FLRT2: variants seen among roughly 807,000 people sequenced by gnomAD.
FLRT2 encodes the protein leucine-rich repeat transmembrane protein FLRT2.
A neutral mutation model predicts 40.0 loss-of-function variants in FLRT2; 15 were observed. The ratio of observed to expected loss-of-function variants is 0.38; its 90% CI spans 0.25 to 0.58. The LOEUF is 0.58. FLRT2 is among the 20% of genes least tolerant of loss of function. FLRT2 has a pLI of 0.71. For synonymous variants in FLRT2, 380 were observed against 336.8 expected (o/e 1.13, Z -1.41); for missense variants, 726 against 840.0 (o/e 0.86, Z 1.68).
In FLRT2 at chr14:85,559,650, A is replaced by G. The variant is rs886704962; in HGVS notation, c.-377+29116A>G. On this transcript the variant is annotated intron_variant, in intron 1 of 1. Transcript: ENST00000330753. ...TAAAGCCCCTTCACACTTTTTTTTA[A>G]CCTCATAGCAGCTCAGCAGGTCAGT... is the stretch of plus-strand genomic sequence containing the variant. 7.2e-5 allele frequency among the ~76,000 whole-genome samples: 11 copies of G among 152,066 alleles called. No individual in the cohort carries two copies. In the South Asian group the frequency reaches 2.3e-3, roughly 32 times the overall value.
In FLRT2 at chr14:85,623,112, C is replaced by A. The variant is rs538772019; in HGVS notation, c.1598C>A (p.Thr533Lys). Residue 533 changes from threonine (T) to lysine (K), a missense_variant, in exon 2 of 2, where the codon ACG becomes AAG. Thr to Lys is a moderately conservative substitution (Grantham distance 78). This residue lies in a region of FLRT2 where 611 missense variants were observed against 690.0 expected (regional missense o/e 0.89). Transcript: ENST00000330753. The stretch of plus-strand genomic sequence containing the variant: ...ACAGCGTCCAGCCATGAGCAGACGA[C>A]GTCCCACAGCATGGGCTCCCCCTTT... Reference protein sequence around the residue: ...SNTASSHEQTTSHSMGSPFLL... With the variant: ...SNTASSHEQTKSHSMGSPFLL... 4 of 1,611,424 alleles carry A rather than the reference C, an allele frequency of 2.5e-6. No homozygotes were observed. Among genetic ancestry groups the A allele is most frequent in the Non-Finnish European group, 2.5e-6 (3 of 1,178,278 alleles).
rs1894197586 is a variant in FLRT2, at chr14:85,643,291, T to TTTCTTTC, written c.*19796_*19797insCTTTCTT. On this transcript the variant is annotated 3_prime_UTR_variant, in exon 2 of 2. Coordinates refer to ENST00000330753, the MANE Select transcript of FLRT2 (RefSeq NM_013231.6). ...AGAGAGTTCAGAGGGTATTTCTTTT[T>TTTCTTTC]TTTCTTTCTTTCTTTCTTTCTTTCT... 1 of 118,758 alleles carries TTTCTTTC rather than the reference T, an allele frequency of 8.4e-6. No individual in the cohort carries two copies. Among genetic ancestry groups the TTTCTTTC allele is most frequent in the African/African-American group, 3.4e-5 (1 of 29,162 alleles). 7.4% of individuals were successfully genotyped at this position (118,758 alleles called of 1,614,324 possible). A position where few individuals can be genotyped will look rare whatever the true frequency, so the allele number is the denominator to read the frequency against.
intron 1 of FLRT2, among the ~76,000 whole-genome samples, chr14:85,608,056 G>A (rs1422396720): frequency 6.6e-6 from 1 of 151,612 alleles, no homozygotes; most frequent in Non-Finnish European, 1.5e-5. Flanking sequence ...ATTGGATTAG[G>A]CCCCACCTTA....
rs1045575271 is a variant in FLRT2, at chr14:85,629,384, T to C, written c.*5887T>C. ...TTGAAAACTTAGAAATTGTATTTCG[T>C]AATTACACATGCAGACATTTAAATT... On this transcript the variant is annotated 3_prime_UTR_variant, in exon 2 of 2. Transcript: ENST00000330753. 2 of 152,228 alleles carry C rather than the reference T, an allele frequency of 1.3e-5. No homozygotes were observed. The highest frequency in any genetic ancestry group is 4.8e-5 in the African/African-American group (2 of 41,466). The allele number at this position is 152,228 out of a possible 1,614,324, so 9.4% of individuals were successfully genotyped here.
intron 1 of FLRT2, among the ~76,000 whole-genome samples, chr14:85,619,906 G>C (rs559553610): frequency 6.6e-6 from 1 of 152,186 alleles, no homozygotes; most frequent in Admixed American, 6.5e-5. Flanking sequence ...TTCGAAATTT[G>C]CTAAAAGACC....
chr14:85,599,501 T>C (rs763233391), intron 1 of FLRT2, among the ~76,000 whole-genome samples: 2 of 152,196 alleles, frequency 1.3e-5, no homozygotes, highest in African/African-American at 2.4e-5. Flanking sequence ...TAAATTACTT[T>C]CCAGTAATTT....
chr14:85,607,280 C>A (rs577225791), intron 1 of FLRT2, among the ~76,000 whole-genome samples: 1 of 151,984 alleles, frequency 6.6e-6, no homozygotes, highest in Non-Finnish European at 1.5e-5. Context: ...GTTTTCCTGC[C>A]GAGATGGAAG....
chr14:85,649,320 T>TA lies in FLRT2; in HGVS notation c.*25827dup, dbSNP rs1311577629. 1 of 152,134 alleles carries TA rather than the reference T, an allele frequency of 6.6e-6. No homozygotes were observed. Among genetic ancestry groups the TA allele is most frequent in the Non-Finnish European group, 1.5e-5 (1 of 68,000 alleles). The allele number at this position is 152,134 out of a possible 1,614,324, so 9.4% of individuals were successfully genotyped here. A position where few individuals can be genotyped will look rare whatever the true frequency, so the allele number is the denominator to read the frequency against. On this transcript the variant is annotated 3_prime_UTR_variant, in exon 2 of 2. Coordinates refer to ENST00000330753, the MANE Select transcript of FLRT2 (RefSeq NM_013231.6). ...ATTGAAAGAACTAGCCTGAAGCAGA[T>TA]AAAATATGTTGCAGATGCTGTAACT...
intron 1 of FLRT2, among the ~76,000 whole-genome samples, chr14:85,588,586 C>T (rs533931477): frequency 6.6e-6 from 1 of 151,960 alleles, no homozygotes; most frequent in African/African-American, 2.4e-5. Flanking sequence ...GGGTATCCAT[C>T]CTCTTAAGGA....
At chr14:85,568,368 G>A (rs1477870706) in intron 1 of FLRT2, among the ~76,000 whole-genome samples, 1 of 152,094 alleles carries the variant, frequency 6.6e-6, no homozygotes, top group Non-Finnish European at 1.5e-5. Context: ...TGTAAGGAGA[G>A]TGAACATGGA....
intron 1 of FLRT2, among the ~76,000 whole-genome samples, chr14:85,533,620 G>A (rs77004977): frequency 0.19 from 28,432 of 152,052 alleles, 3,170 homozygotes; most frequent in Non-Finnish European, 0.24. Context: ...AGGGGGAGGC[G>A]GAGGAGGAGA....
At chr14:85,563,010 GT>G (rs1213837506) in intron 1 of FLRT2, 1 of 151,770 alleles carries the variant, frequency 6.6e-6, no homozygotes, top group Non-Finnish European at 1.5e-5. Context: ...CCTTTTCACA[GT>G]GTTGTATATG....
rs1017354538 is a variant in FLRT2, at chr14:85,625,203, C to A, written c.*1706C>A. On this transcript the variant is annotated 3_prime_UTR_variant, in exon 2 of 2. Coordinates refer to ENST00000330753, the MANE Select transcript of FLRT2 (RefSeq NM_013231.6). ...CTACTCCCTTGGAAAAAATATCTTT[C>A]GAAAATCAAATTTAAACATTTCACT... 6.0e-6 allele frequency: 1 copy of A among 166,968 alleles called. No homozygotes were observed. The highest frequency in any genetic ancestry group is 2.4e-5 in the African/African-American group (1 of 41,444). The allele number at this position is 166,968 out of a possible 1,614,324, so 10.3% of individuals were successfully genotyped here.
intron 1 of FLRT2, among the ~76,000 whole-genome samples, chr14:85,555,268 A>G (rs1889878243): frequency 6.6e-6 from 1 of 152,202 alleles, no homozygotes; most frequent in African/African-American, 2.4e-5. Flanking sequence ...TTCCTAGAAG[A>G]TGTTACACAT....
chr14:85,590,748 C>A (rs972348169), intron 1 of FLRT2, among the ~76,000 whole-genome samples: 5 of 152,140 alleles, frequency 3.3e-5, no homozygotes, highest in Non-Finnish European at 7.3e-5. Context: ...CAGGTGCCCA[C>A]CACCATGCCT....
intron 1 of FLRT2, among the ~76,000 whole-genome samples, chr14:85,608,866 T>C (rs1892742165): frequency 1.3e-5 from 2 of 152,162 alleles, no homozygotes; most frequent in African/African-American, 2.4e-5. Context: ...GCTTTAGATC[T>C]AATTGTTCAA....
At chr14:85,577,259 A>G (rs1028494046) in intron 1 of FLRT2, among the ~76,000 whole-genome samples, 7 of 152,168 alleles carry the variant, frequency 4.6e-5, no homozygotes, top group Admixed American at 2.0e-4. Context: ...TGATTTTTCA[A>G]AAATGTATTT....
chr14:85,612,481 CT>C (rs2139354347), intron 1 of FLRT2, among the ~76,000 whole-genome samples: 1 of 152,230 alleles, frequency 6.6e-6, no homozygotes, highest in South Asian at 2.1e-4. Context: ...GGCAGCTTAT[CT>C]GGGTTTTATT....
At position 85,580,953 on chromosome 14, in the gene FLRT2, G is replaced by A. The variant is rs145470841; in HGVS notation, c.-376-40186G>A. 7.0e-4 allele frequency among the ~76,000 whole-genome samples: 106 copies of A among 152,280 alleles called. 2 individuals carry two copies. Among genetic ancestry groups the A allele is most frequent in the African/African-American group, 2.3e-3 (94 of 41,564 alleles). Reference sequence around the variant, plus strand: ...AAAATAGTGGCGTTCTGGCTAATCCGAAGAGATTAGATGAGAAGTCCATAG... The same window carrying A: ...AAAATAGTGGCGTTCTGGCTAATCCAAAGAGATTAGATGAGAAGTCCATAG... On this transcript the variant is annotated intron_variant, in intron 1 of 1. Coordinates refer to ENST00000330753, the MANE Select transcript of FLRT2 (RefSeq NM_013231.6).
Sources: allele counts gnomAD v4.1 joint callset (sites outside exome capture counted in the v4.1 genomes callset), GRCh38; gene constraint gnomAD v4.1.1; regional missense constraint gnomAD v4.1.1; transcripts MANE v1.5; gene names NCBI Gene and HGNC (gene_info 2026-07-23, HGNC 2026-07-21).